Variants in GSE1 observed in about 807,000 individuals in gnomAD.
GSE1 encodes Gse1 coiled-coil protein.
GSE1 carries 32 observed loss-of-function variants against 112.6 expected under a neutral mutation model. The observed-to-expected ratio is 0.28, with a 90% CI of 0.21 to 0.38. The LOEUF (loss-of-function observed/expected upper bound fraction) is 0.38. GSE1 is among the 10% of genes least tolerant of loss of function. The pLI, the probability that GSE1 is intolerant of heterozygous loss-of-function variation, is 1.00. For missense variants in GSE1, 2,348 were observed against 1,699.2 expected (o/e 1.38, Z -6.71); for synonymous variants, 1,115 against 735.6 (o/e 1.52, Z -8.35).
intron 8 of GSE1, among the ~76,000 whole-genome samples, chr16:85,659,938 G>GCA (rs957558058): frequency 6.6e-6 from 1 of 152,238 alleles, no homozygotes; most frequent in African/African-American, 2.4e-5. Flanking sequence ...CCACTGGGGG[G>GCA]CAGTCTCGGC....
At position 85,213,130 on chromosome 16, in the gene GSE1, G is replaced by A. The variant is rs574331676; in HGVS notation, c.2283+41323G>A. On this transcript the variant is annotated intron_variant, in intron 1 of 2. Coordinates refer to the GSE1 transcript ENST00000637419. The stretch of plus-strand genomic sequence containing the variant: ...CTAAAATACAAAAAATTAGCCAGCC[G>A]TGGTGGCGCATGCCTGTAGTCCCAG... Among the ~76,000 whole-genome samples, 8 of 152,158 alleles carry A rather than the reference G, an allele frequency of 5.3e-5. No homozygotes were observed. In the South Asian group the frequency reaches 6.2e-4, roughly 12 times the overall value.
At chr16:85,448,391 G>A (rs1016272835) in intron 2 of GSE1, among the ~76,000 whole-genome samples, 2 of 152,178 alleles carry the variant, frequency 1.3e-5, no homozygotes, top group African/African-American at 4.8e-5. Flanking sequence ...ACCGAACGGT[G>A]GTGTTTCAAA....
chr16:85,652,075 C>A (rs963429378), intron 3 of GSE1, among the ~76,000 whole-genome samples: 7 of 152,230 alleles, frequency 4.6e-5, no homozygotes, highest in Non-Finnish European at 1.0e-4. Flanking sequence ...AGCCTGGCAA[C>A]ACACCTGCCA....
At position 85,373,723 on chromosome 16, in the gene GSE1, G is replaced by A. The variant is rs1271611019; in HGVS notation, c.2464+16080G>A. ...CAGGTGTGTGGCGGGTGGGTGGAGG[G>A]ACGAAAGGGCGAATGAATGAGCGCT... On this transcript the variant is annotated intron_variant, in intron 2 of 2. Transcript: ENST00000637419. The surrounding 1 kb of genome is among the most constrained non-coding windows in gnomAD (Gnocchi z 5.1). Among the ~76,000 whole-genome samples, 2 of 152,130 alleles carry A rather than the reference G, an allele frequency of 1.3e-5. No individual in the cohort carries two copies. The highest frequency in any genetic ancestry group is 2.9e-5 in the Non-Finnish European group (2 of 68,028).
chr16:85,478,911 C>T lies in GSE1; in HGVS notation c.2464+121268C>T, dbSNP rs1404216561. 1.5e-4 allele frequency among the ~76,000 whole-genome samples: 9 copies of T among 58,664 alleles called. 1 individual carries two copies. The highest frequency in any genetic ancestry group is 8.0e-4 in the African/African-American group (9 of 11,192). The allele number at this position is 58,664 out of a possible 152,430, so 38.5% of individuals were successfully genotyped here. A position where few individuals can be genotyped will look rare whatever the true frequency, so the allele number is the denominator to read the frequency against. ...TCTTTCTTTCTTTCTTTCTTTCTTT[C>T]TTTCTTTCTTTCTTTCTCTTTCTTT... On this transcript the variant is annotated intron_variant, in intron 2 of 2. Transcript: ENST00000637419.
chr16:85,393,083 TCA>T (rs1212633721), intron 2 of GSE1, among the ~76,000 whole-genome samples: 1 of 152,108 alleles, frequency 6.6e-6, no homozygotes, highest in Non-Finnish European at 1.5e-5. Flanking sequence ...TCGTTGCTTC[TCA>T]CAGGCAGCTG....
chr16:85,635,048 G>A lies in GSE1; in HGVS notation c.226+916G>A, dbSNP rs1567689175. 8.5e-5 allele frequency among the ~76,000 whole-genome samples: 13 copies of A among 152,318 alleles called. No individual in the cohort carries two copies. The South Asian group carries it at 2.7e-3, about 32-fold the overall frequency. ...CCGGGTGCCAGGGCCCTCCGGGGTG[G>A]CCACAGCAACACATGCAGGAGCCAT... On this transcript the variant is annotated intron_variant, in intron 2 of 15. Transcript: ENST00000253458.
At chr16:85,576,895 C>T (rs985094737) in intron 1 of GSE1, among the ~76,000 whole-genome samples, 3 of 152,200 alleles carry the variant, frequency 2.0e-5, no homozygotes, top group African/African-American at 7.2e-5. Context: ...CAGCTTCTCC[C>T]ACCCCAGTTT....
At chr16:85,597,857 G>A (rs2047299568) in intron 1 of GSE1, among the ~76,000 whole-genome samples, 1 of 152,204 alleles carries the variant, frequency 6.6e-6, no homozygotes, top group Non-Finnish European at 1.5e-5. Context: ...GTAGGAGAAT[G>A]AGCTGGGAAT....
chr16:85,366,377 GTC>G (rs1481582584), intron 2 of GSE1, among the ~76,000 whole-genome samples: 10 of 152,276 alleles, frequency 6.6e-5, no homozygotes, highest in Non-Finnish European at 1.3e-4. Flanking sequence ...CTCTGTCTCT[GTC>G]TCTCTTCATA....
intron 2 of GSE1, chr16:85,489,870 A>G (rs11640642): frequency 0.55 from 84,029 of 152,074 alleles, 23,911 homozygotes; most frequent in African/African-American, 0.62. Context: ...GAGGAGAGAC[A>G]GGCAGGAAAG....
At chr16:85,322,339 A>G (rs1304651859) in intron 1 of GSE1, among the ~76,000 whole-genome samples, 2 of 152,160 alleles carry the variant, frequency 1.3e-5, no homozygotes, top group Non-Finnish European at 2.9e-5. Flanking sequence ...GGAGCAGCCC[A>G]CCCAGAGTTG....
At chr16:85,432,212 A>T (rs2049140010) in intron 2 of GSE1, among the ~76,000 whole-genome samples, 1 of 152,264 alleles carries the variant, frequency 6.6e-6, no homozygotes, top group Non-Finnish European at 1.5e-5. Context: ...TGCTTCCAGA[A>T]CATTCTGCCA....
At chr16:85,177,163 C>A (rs1190414426) in intron 1 of GSE1, among the ~76,000 whole-genome samples, 1 of 152,228 alleles carries the variant, frequency 6.6e-6, no homozygotes, top group South Asian at 2.1e-4. Context: ...AACTCGGCCT[C>A]CCCTGGAAGC....
chr16:85,443,818 G>A (rs1345760679), intron 2 of GSE1, among the ~76,000 whole-genome samples: 1 of 152,082 alleles, frequency 6.6e-6, no homozygotes. Context: ...GGGTGCCCCA[G>A]CCTCTCGGAG....
chr16:85,391,153 T>C (rs1406073182), intron 2 of GSE1, among the ~76,000 whole-genome samples: 1 of 152,082 alleles, frequency 6.6e-6, no homozygotes, highest in East Asian at 1.9e-4. Context: ...AGCAACAGGA[T>C]GGAGCAAGGC....
upstream of GSE1, chr16:85,554,846 G>C (rs943203616): frequency 1.9e-4 from 189 of 984,004 alleles, no homozygotes; most frequent in South Asian, 2.8e-4. Flanking sequence ...GCAGCCGGAG[G>C]GGGGGCCAGC....
chr16:85,638,466 G>A (rs1483880802), intron 2 of GSE1, among the ~76,000 whole-genome samples: 5 of 152,238 alleles, frequency 3.3e-5, no homozygotes, highest in African/African-American at 4.8e-5. Context: ...GCCGATGCAT[G>A]CCCCAGCACT....
intron 1 of GSE1, among the ~76,000 whole-genome samples, chr16:85,584,890 C>T (rs542362639): frequency 7.3e-5 from 11 of 151,528 alleles, no homozygotes; most frequent in African/African-American, 2.7e-4. Context: ...CCCCTGCACT[C>T]CTTCCCCCAC....
Sources: gnomAD v4.1 joint callset for allele counts (sites outside exome capture counted in the v4.1 genomes callset) on GRCh38, gnomAD v4.1.1 for gene constraint, Gnocchi (gnomAD v3.1) non-coding constraint, MANE v1.5 for transcripts, NCBI Gene and HGNC (gene_info 2026-07-23, HGNC 2026-07-21) for gene names.